BCL11B: variants seen among roughly 807,000 people sequenced by gnomAD.
BCL11B encodes the protein BCL11 transcription factor B.
A neutral mutation model predicts 49.9 loss-of-function variants in BCL11B; 8 were observed. The ratio of observed to expected loss-of-function variants is 0.16; its 90% CI spans 0.09 to 0.29. The LOEUF (loss-of-function observed/expected upper bound fraction) is 0.29. BCL11B is among the 10% of genes least tolerant of loss of function. BCL11B has a pLI of 1.00. For synonymous variants in BCL11B, 739 were observed against 637.4 expected (o/e 1.16, Z -2.40); for missense variants, 1,006 against 1,351.0 (o/e 0.74, Z 4.00).
intron 1 of BCL11B, among the ~76,000 whole-genome samples, chr14:99,265,311 G>A (rs970257108): frequency 6.6e-6 from 1 of 152,078 alleles, no homozygotes; most frequent in Admixed American, 6.6e-5. Flanking sequence ...CTTTCTCCTT[G>A]TCCTCCCCAG....
At chr14:99,270,571 G>A (rs1416829279) in intron 1 of BCL11B, among the ~76,000 whole-genome samples, 1 of 152,034 alleles carries the variant, frequency 6.6e-6, no homozygotes, top group Non-Finnish European at 1.5e-5. Flanking sequence ...AAAGGCGGCT[G>A]CGGAATCCTA....
chr14:99,176,261 C>A, intron 3 of BCL11B, 66 bp from the exon 4 acceptor site: 2 of 1,474,726 alleles, frequency 1.4e-6, no homozygotes, highest in Non-Finnish European at 1.8e-6. Flanking sequence ...GCGGGCACCG[C>A]AGGGCCACTG....
intron 3 of BCL11B, among the ~76,000 whole-genome samples, chr14:99,218,126 C>T (rs1233738130): frequency 5.8e-5 from 8 of 139,114 alleles, no homozygotes; most frequent in Admixed American, 3.1e-4. Flanking sequence ...AGTGCAGTGG[C>T]GCGATCTCAG....
chr14:99,238,637 TA>T (rs1173456864), intron 2 of BCL11B, among the ~76,000 whole-genome samples: 1 of 150,794 alleles, frequency 6.6e-6, no homozygotes, highest in Non-Finnish European at 1.5e-5. Context: ...TTGCAGGGGG[TA>T]GGGGGGCGCA....
chr14:99,226,313 A>C (rs1316822005), intron 3 of BCL11B, among the ~76,000 whole-genome samples: 1 of 152,142 alleles, frequency 6.6e-6, no homozygotes, highest in African/African-American at 2.4e-5. Flanking sequence ...CAACCTTCCC[A>C]CGACGGAGCT....
chr14:99,178,240 G>A (rs1451806253), intron 3 of BCL11B, among the ~76,000 whole-genome samples: 1 of 152,198 alleles, frequency 6.6e-6, no homozygotes, highest in Non-Finnish European at 1.5e-5. Flanking sequence ...GAAGACGGTG[G>A]TAGGGAGGAC....
chr14:99,229,790 T>C (rs1158707710), intron 3 of BCL11B, among the ~76,000 whole-genome samples: 1 of 151,902 alleles, frequency 6.6e-6, no homozygotes, highest in Non-Finnish European at 1.5e-5. Context: ...CCCCCAGTGG[T>C]TGCCGAGGCT....
chr14:99,199,703 CACGTGTGT>C (rs1246375922), intron 3 of BCL11B, among the ~76,000 whole-genome samples: 47 of 66,114 alleles, frequency 7.1e-4, no homozygotes, highest in African/African-American at 1.2e-3. Context: ...CGCGCACGTG[CACGTGTGT>C]GCGTGTGTGC....
intron 1 of BCL11B, among the ~76,000 whole-genome samples, chr14:99,259,092 G>T (rs1342956931): frequency 6.6e-6 from 1 of 152,180 alleles, no homozygotes; most frequent in African/African-American, 2.4e-5. Context: ...GGAATTTTTC[G>T]AGAGCAAATG....
rs565539720 is a variant in BCL11B at position 99,232,033 on chromosome 14, ACCTTGGGTCCGCCTCCAG to A, written c.428-494_428-477del. On this transcript the variant is annotated intron_variant, in intron 2 of 3. Coordinates refer to ENST00000357195, the MANE Select transcript of BCL11B (RefSeq NM_138576.4). The surrounding 1 kb of genome is among the most constrained non-coding windows in gnomAD (Gnocchi z 5.1). ...TGGGCTGTTCCTACAGGCCCGGGAC[ACCTTGGGTCCGCCTCCAG>A]CCTTGGGTCCGCCTCCAGGTGTCTG... is the stretch of plus-strand genomic sequence containing the variant. Among the ~76,000 whole-genome samples the A allele has an allele frequency of 6.6e-5, 10 of 152,018 alleles. No homozygotes were observed. The highest frequency in any genetic ancestry group is 2.1e-4 in the South Asian group (1 of 4,822).
rs1197148577 is a variant in BCL11B at position 99,170,871 on chromosome 14, T to C, written c.*3280A>G. 4.3e-6 allele frequency: 1 copy of C among 232,578 alleles called. No individual in the cohort carries two copies. Among genetic ancestry groups the C allele is most frequent in the Non-Finnish European group, 8.5e-6 (1 of 117,672 alleles). 14.4% of individuals were successfully genotyped at this position (232,578 alleles called of 1,614,324 possible). The stretch of plus-strand genomic sequence containing the variant: ...GCTGAATCACCAGCTCCTTTTATGA[T>C]ATTTGTGTTTGTTTCACAATTTCTC... On this transcript the variant is annotated 3_prime_UTR_variant, in exon 4 of 4. Transcript: ENST00000357195.
At position 99,192,048 on chromosome 14, in the gene BCL11B, G is replaced by A. The variant is rs939579005; in HGVS notation, c.641-15853C>T. 1.3e-5 allele frequency among the ~76,000 whole-genome samples: 2 copies of A among 152,130 alleles called. No homozygotes were observed. Among genetic ancestry groups the A allele is most frequent in the South Asian group, 2.1e-4 (1 of 4,826 alleles). On this transcript the variant is annotated intron_variant, in intron 3 of 3. Transcript: ENST00000357195. This position sits in a 1 kb window ranked among gnomAD's most constrained non-coding sequence, Gnocchi z 4.0. ...ACAATTAAGGGACGCTCAGAATCCC[G>A]AGGCCTTCAAGAACGTGCTAGCTCC...
Position 99,169,924 on chromosome 14 carries a change from G to T in BCL11B, c.*4227C>A. On this transcript the variant is annotated 3_prime_UTR_variant, in exon 4 of 4. Transcript: ENST00000357195. ...ACTTTGAACAAAGTTGTGGCAGTGC[G>T]GAAACCGGCCTGAGGTCGGCTGGGT... 4.3e-6 allele frequency: 1 copy of T among 230,054 alleles called. No homozygotes were observed. The highest frequency in any genetic ancestry group is 8.6e-6 in the Non-Finnish European group (1 of 115,742). The allele number at this position is 230,054 out of a possible 1,614,324, so 14.3% of individuals were successfully genotyped here.
intron 2 of BCL11B, among the ~76,000 whole-genome samples, chr14:99,234,702 A>T (rs1339562564): frequency 1.3e-5 from 2 of 151,976 alleles, no homozygotes; most frequent in Non-Finnish European, 2.9e-5. Context: ...CTTGCTTTCC[A>T]TTCTGAAACT....
At chr14:99,239,866 C>T (rs1354406367) in intron 2 of BCL11B, among the ~76,000 whole-genome samples, 1 of 152,136 alleles carries the variant, frequency 6.6e-6, no homozygotes, top group Non-Finnish European at 1.5e-5. Context: ...AGGAGGAAGG[C>T]TGAGCTGCGA....
Position 99,271,384 on chromosome 14 carries a change from T to G in BCL11B, c.-166A>C, listed in dbSNP as rs796900595. On this transcript the variant is annotated 5_prime_UTR_variant, in exon 1 of 4. Coordinates refer to ENST00000357195, the MANE Select transcript of BCL11B (RefSeq NM_138576.4). Reference sequence around the variant, plus strand: ...GGTGTTTTTTTTCCCTTCCTCTCTTTCCCTCTCTTCCTCCTCTTCTTCTTC... The same window carrying G: ...GGTGTTTTTTTTCCCTTCCTCTCTTGCCCTCTCTTCCTCCTCTTCTTCTTC... 5.0e-4 allele frequency: 155 copies of G among 311,784 alleles called. 3 individuals are homozygous for G. The highest frequency in any genetic ancestry group is 2.7e-3 in the African/African-American group (124 of 46,714). 19.3% of individuals were successfully genotyped at this position (311,784 alleles called of 1,614,324 possible).
chr14:99,199,683 T>TGTGTGTGTGTGTGCGCGC (rs759599743), intron 3 of BCL11B, among the ~76,000 whole-genome samples: 7 of 73,742 alleles, frequency 9.5e-5, no homozygotes, highest in East Asian at 3.1e-4. Flanking sequence ...TGTGTGTGTG[T>TGTGTGTGTGTGTGCGCGC]GCGCGCGCGC....
chr14:99,255,624 T>C (rs978957470), intron 2 of BCL11B, among the ~76,000 whole-genome samples: 6 of 152,110 alleles, frequency 3.9e-5, no homozygotes, highest in Non-Finnish European at 7.3e-5. Context: ...AATCTTTCCA[T>C]GGAAACATAA....
intron 1 of BCL11B, among the ~76,000 whole-genome samples, chr14:99,269,242 C>T (rs1889577404): frequency 6.6e-6 from 1 of 150,624 alleles, no homozygotes; most frequent in African/African-American, 2.4e-5. Flanking sequence ...GAAATTAAGC[C>T]TCTGCAAGTA....
Sources: allele counts gnomAD v4.1 joint callset (sites outside exome capture counted in the v4.1 genomes callset), GRCh38; gene constraint gnomAD v4.1.1; non-coding constraint Gnocchi (gnomAD v3.1); transcripts MANE v1.5; gene names NCBI Gene and HGNC (gene_info 2026-07-23, HGNC 2026-07-21).